The following EPS15 variants were observed in gnomAD, a reference collection of about 807,000 sequenced individuals.
EPS15 encodes epidermal growth factor receptor pathway substrate 15.
Under a neutral mutation model 113.8 loss-of-function variants are expected in EPS15, and 72 were observed. The observed-to-expected ratio is 0.63, with a 90% confidence interval of 0.52 to 0.77. EPS15 has a LOEUF of 0.77. Among genes scored for constraint, EPS15 ranks in the 30% least tolerant of loss-of-function variants. EPS15 has a pLI of 0.00. For missense variants in EPS15, 1,048 were observed against 1,045.8 expected (o/e 1.00, Z -0.03); for synonymous variants, 344 against 363.4 (o/e 0.95, Z 0.61).
chr1:51,440,278 T>TGTGC lies in EPS15; in HGVS notation c.1040+68_1040+69insGCAC, dbSNP rs1491310960. 32 of 78,040 alleles carry TGTGC rather than the reference T, an allele frequency of 4.1e-4. No individual in the cohort carries two copies. In the African/African-American group the frequency reaches 7.4e-3, roughly 18 times the overall value. The allele number at this position is 78,040 out of a possible 1,614,324, so 4.8% of individuals were successfully genotyped here. On this transcript the variant is annotated intron_variant, in intron 12 of 24. Transcript: ENST00000371733. The stretch of plus-strand genomic sequence containing the variant: ...AAGTTGTATACATATATACATGTAC[T>TGTGC]GTGTGTGTGTGTGTGTGTGTGTGTG...
intron 21 of EPS15, among the ~76,000 whole-genome samples, chr1:51,368,578 GTTAT>G (rs1473806018): frequency 6.7e-6 from 1 of 149,618 alleles, no homozygotes; most frequent in Admixed American, 6.7e-5. Flanking sequence ...TCCTTTTCCT[GTTAT>G]TTTTCTTTTT....
rs77950817 is a variant in EPS15 at position 51,438,765 on chromosome 1, T to A, written c.1040+1582A>T. Among the ~76,000 whole-genome samples, 1,293 of 152,178 alleles carry A rather than the reference T, an allele frequency of 8.5e-3. 19 individuals carry two copies. Among genetic ancestry groups the A allele is most frequent in the African/African-American group, 0.028 (1,180 of 41,522 alleles). On this transcript the variant is annotated intron_variant, in intron 12 of 24. Coordinates refer to ENST00000371733, the MANE Select transcript of EPS15 (RefSeq NM_001981.3). ...TGCAACAAAGTCAAAAATTTAAAAA[T>A]CCTAATGAGTGGCAGAATTGTATAA...
intron 5 of EPS15, 110 bp from the exon 6 acceptor site, chr1:51,465,436 A>C: frequency 1.6e-6 from 1 of 631,342 alleles, no homozygotes; most frequent in Non-Finnish European, 2.8e-6. Context: ...CTGGATCTCA[A>C]TGCACACAGG....
At chr1:51,423,557 A>C in intron 12 of EPS15, 5 of 985,400 alleles carry the variant, frequency 5.1e-6, no homozygotes, top group Non-Finnish European at 6.0e-6. Context: ...GGCATTCCAC[A>C]CAAGGTCAGT....
intron 21 of EPS15, among the ~76,000 whole-genome samples, chr1:51,387,226 A>G (rs904886789): frequency 4.6e-5 from 7 of 151,086 alleles, no homozygotes; most frequent in Non-Finnish European, 1.0e-4. Context: ...ACTAAGCTTC[A>G]TAAGTGAAGG....
At chr1:51,407,546 A>T (rs1371652262) in intron 15 of EPS15, among the ~76,000 whole-genome samples, 1 of 152,224 alleles carries the variant, frequency 6.6e-6, no homozygotes, top group Non-Finnish European at 1.5e-5. Flanking sequence ...CATGTAGGGA[A>T]ACCTGGAAAT....
intron 12 of EPS15, among the ~76,000 whole-genome samples, chr1:51,438,068 G>A (rs1478362081): frequency 1.3e-5 from 2 of 152,066 alleles, no homozygotes; most frequent in African/African-American, 2.4e-5. Context: ...TTACAAAAGC[G>A]TATTTTAACA....
chr1:51,388,742 C>T (rs1201483768), intron 21 of EPS15, among the ~76,000 whole-genome samples: 1 of 152,132 alleles, frequency 6.6e-6, no homozygotes, highest in Non-Finnish European at 1.5e-5. Flanking sequence ...TTCCTCGACA[C>T]ATACACCCTC....
Position 51,434,452 on chromosome 1 carries a change from C to A in EPS15, c.1040+5895G>T, listed in dbSNP as rs556817304. Among the ~76,000 whole-genome samples, 515 of 152,122 alleles carry A rather than the reference C, an allele frequency of 3.4e-3. 1 individual carries two copies. Among genetic ancestry groups the A allele is most frequent in the African/African-American group, 0.012 (497 of 41,522 alleles). ...GTGAAATAAGATAGTCATAAAAAGA[C>A]AAATATCTCACGATTCTGCTTATAT... On this transcript the variant is annotated intron_variant, in intron 12 of 24. Coordinates refer to ENST00000371733, the MANE Select transcript of EPS15 (RefSeq NM_001981.3).
chr1:51,438,538 C>G (rs143531366), intron 12 of EPS15, among the ~76,000 whole-genome samples: 1 of 152,228 alleles, frequency 6.6e-6, no homozygotes, highest in East Asian at 1.9e-4. Flanking sequence ...TCAAATCAAG[C>G]AAGTCCTAGA....
At chr1:51,499,290 G>T (rs966406860) in intron 1 of EPS15, among the ~76,000 whole-genome samples, 4 of 152,086 alleles carry the variant, frequency 2.6e-5, no homozygotes, top group African/African-American at 9.7e-5. Flanking sequence ...AGTCTTCAAG[G>T]TTTCTTCATG....
chr1:51,497,630 A>G lies in EPS15; in HGVS notation c.34-16316T>C, dbSNP rs191291331. 4.6e-5 allele frequency among the ~76,000 whole-genome samples: 7 copies of G among 152,314 alleles called. No individual in the cohort carries two copies. In the East Asian group the frequency reaches 7.7e-4, roughly 17 times the overall value. Reference sequence around the variant, plus strand: ...CATATAAATATTCGTTAAATCACACATATCTTTGCAACAGTCCTCTGGCAG... The same window carrying G: ...CATATAAATATTCGTTAAATCACACGTATCTTTGCAACAGTCCTCTGGCAG... On this transcript the variant is annotated intron_variant, in intron 1 of 24. Coordinates refer to ENST00000371733, the MANE Select transcript of EPS15 (RefSeq NM_001981.3).
chr1:51,421,029 C>A (rs1158563072), intron 13 of EPS15, among the ~76,000 whole-genome samples: 1 of 152,138 alleles, frequency 6.6e-6, no homozygotes, highest in Non-Finnish European at 1.5e-5. Context: ...TGTGCCGGTG[C>A]AGCACTAAGG....
chr1:51,434,082 T>C (rs1651948594), intron 12 of EPS15, among the ~76,000 whole-genome samples: 1 of 152,216 alleles, frequency 6.6e-6, no homozygotes, highest in Non-Finnish European at 1.5e-5. Context: ...CAGATATACA[T>C]GTTCTTTTTT....
chr1:51,502,742 C>T (rs983779856), intron 1 of EPS15, among the ~76,000 whole-genome samples: 1 of 152,040 alleles, frequency 6.6e-6, no homozygotes, highest in Non-Finnish European at 1.5e-5. Context: ...CGGTGGCTCA[C>T]GCCTGTAATC....
Position 51,515,953 on chromosome 1 carries a change from T to C in EPS15, c.33+3246A>G, listed in dbSNP as rs541248185. ...AATTCCCAAAGGGAAGTTAACAGTA[T>C]TATTATTATTAGGGATATGGGCGTT... On this transcript the variant is annotated intron_variant, in intron 1 of 24. Transcript: ENST00000371733. 2.6e-5 allele frequency among the ~76,000 whole-genome samples: 4 copies of C among 152,246 alleles called. No homozygotes were observed. In the South Asian group the frequency reaches 6.2e-4, roughly 24 times the overall value.
intron 1 of EPS15, among the ~76,000 whole-genome samples, chr1:51,488,198 C>G (rs1449754858): frequency 6.6e-6 from 1 of 152,042 alleles, no homozygotes; most frequent in Non-Finnish European, 1.5e-5. Flanking sequence ...GTATATAAAA[C>G]TGCATATGAA....
intron 21 of EPS15, among the ~76,000 whole-genome samples, chr1:51,369,636 T>C (rs1191867447): frequency 6.6e-6 from 1 of 152,242 alleles, no homozygotes; most frequent in Non-Finnish European, 1.5e-5. Flanking sequence ...TTATTCCTGG[T>C]ATTTTTTTCT....
intron 21 of EPS15, among the ~76,000 whole-genome samples, chr1:51,371,710 T>C (rs1646660183): frequency 6.6e-6 from 1 of 152,144 alleles, no homozygotes; most frequent in African/African-American, 2.4e-5. Flanking sequence ...AAAATGTTTT[T>C]TATAAATTTA....
Sources: allele counts gnomAD v4.1 joint callset (sites outside exome capture counted in the v4.1 genomes callset), GRCh38; gene constraint gnomAD v4.1.1; transcripts MANE v1.5; gene names NCBI Gene and HGNC (gene_info 2026-07-23, HGNC 2026-07-21).